Variants in VWA8 observed in about 807,000 individuals in gnomAD.
The protein encoded by VWA8 is von Willebrand factor A domain-containing protein 8.
Under a neutral mutation model 241.5 loss-of-function variants are expected in VWA8, and 221 were observed. That is an observed-to-expected ratio of 0.91 (90% CI 0.82 to 1.02). VWA8 has a LOEUF of 1.02. VWA8 is among the 50% of genes least tolerant of loss of function. The pLI is 0.00. For missense variants in VWA8, 2,322 were observed against 2,328.7 expected (o/e 1.00, Z 0.06); for synonymous variants, 852 against 827.1 (o/e 1.03, Z -0.52).
Position 41,708,661 on chromosome 13 carries a change from G to A in VWA8, c.3117-5250C>T, listed in dbSNP as rs543943232. ...GGCTTCCACTTCATAACTTAGACTTGTATACCTCTCCCACCTAGGTCCTGC... is the reference window on the plus strand; with the variant it reads ...GGCTTCCACTTCATAACTTAGACTTATATACCTCTCCCACCTAGGTCCTGC... On this transcript the variant is annotated intron_variant, in intron 26 of 44. Coordinates refer to ENST00000379310, the MANE Select transcript of VWA8 (RefSeq NM_015058.2). 8.2e-4 allele frequency among the ~76,000 whole-genome samples: 125 copies of A among 152,220 alleles called. 1 individual carries two copies. The highest frequency in any genetic ancestry group is 6.8e-3 in the South Asian group (33 of 4,818).
At chr13:41,896,018 A>G (rs1179555241) in intron 4 of VWA8, among the ~76,000 whole-genome samples, 1 of 152,030 alleles carries the variant, frequency 6.6e-6, no homozygotes, top group Non-Finnish European at 1.5e-5. Context: ...CTGTAAAAGA[A>G]GAGCAATTAG....
At chr13:41,934,192 A>G (rs1437940311) in intron 2 of VWA8, among the ~76,000 whole-genome samples, 1 of 151,792 alleles carries the variant, frequency 6.6e-6, no homozygotes. Context: ...AAAGATATAA[A>G]GATGATAAAT....
chr13:41,586,777 G>A (rs1461664316), intron 42 of VWA8, among the ~76,000 whole-genome samples: 2 of 152,170 alleles, frequency 1.3e-5, no homozygotes, highest in Non-Finnish European at 2.9e-5. Flanking sequence ...TGGACTGTGT[G>A]TCCTTCATGC....
chr13:41,913,035 T>C (rs1471909820), intron 2 of VWA8, among the ~76,000 whole-genome samples: 1 of 151,726 alleles, frequency 6.6e-6, no homozygotes, highest in Non-Finnish European at 1.5e-5. Flanking sequence ...AATGAATAAA[T>C]ACACAGAATG....
intron 1 of VWA8, among the ~76,000 whole-genome samples, chr13:41,950,224 ATG>A (rs1161671202): frequency 6.9e-6 from 1 of 145,568 alleles, no homozygotes; most frequent in Non-Finnish European, 1.5e-5. Flanking sequence ...CACATTTTAA[ATG>A]TGTTAGCAAA....
chr13:41,817,986 G>A lies in VWA8; in HGVS notation c.1870-1211C>T, dbSNP rs1247830900. Among the ~76,000 whole-genome samples, 6 of 151,140 alleles carry A rather than the reference G, an allele frequency of 4.0e-5. 1 individual carries two copies. Among genetic ancestry groups the A allele is most frequent in the East Asian group, 3.9e-4 (2 of 5,114 alleles). On this transcript the variant is annotated intron_variant, in intron 15 of 44. Coordinates refer to ENST00000379310, the MANE Select transcript of VWA8 (RefSeq NM_015058.2). ...GCGGAATTTTTTTTTTTTTCGAGAC[G>A]GAGTCTCACTCTGTCACTCAGGCTG...
At chr13:41,906,295 G>C (rs1593860156) in intron 4 of VWA8, among the ~76,000 whole-genome samples, 1 of 152,086 alleles carries the variant, frequency 6.6e-6, no homozygotes, top group African/African-American at 2.4e-5. Context: ...AACTACGAAA[G>C]TCTCTTCCTT....
intron 43 of VWA8, among the ~76,000 whole-genome samples, chr13:41,571,956 G>C (rs1000919387): frequency 1.3e-5 from 2 of 151,948 alleles, no homozygotes; most frequent in Non-Finnish European, 2.9e-5. Flanking sequence ...CCCTCTGACC[G>C]GCCGCCCAGT....
rs187549862 is a variant in VWA8, at chr13:41,695,069, G to A, written c.3565-2097C>T. Among the ~76,000 whole-genome samples the A allele has an allele frequency of 2.1e-4, 32 of 152,172 alleles. No individual in the cohort carries two copies. In the East Asian group the frequency reaches 2.9e-3, roughly 14 times the overall value. ...TCTGGGTTTAAAAATAGAATTTTGC[G>A]TCACACATGAGTACATGTAACTGTG... On this transcript the variant is annotated intron_variant, in intron 29 of 44. Transcript: ENST00000379310.
intron 12 of VWA8, among the ~76,000 whole-genome samples, chr13:41,839,537 T>C (rs1871897925): frequency 1.3e-5 from 2 of 152,242 alleles, no homozygotes; most frequent in Non-Finnish European, 2.9e-5. Context: ...CCATTCCTTT[T>C]GGTGTTTTAG....
chr13:41,719,251 T>C, intron 26 of VWA8: 1 of 690,690 alleles, frequency 1.4e-6, no homozygotes, highest in Admixed American at 5.8e-5. Flanking sequence ...ATTATCTCTA[T>C]GTGATTTTCA....
chr13:41,946,247 A>G (rs187132337), intron 2 of VWA8, among the ~76,000 whole-genome samples: 1 of 152,248 alleles, frequency 6.6e-6, no homozygotes, highest in Non-Finnish European at 1.5e-5. Flanking sequence ...CCACTAGCAA[A>G]CCTGCCATCT....
Position 41,961,077 on chromosome 13 carries a change from G to A in VWA8, c.-62C>T. On this transcript the variant is annotated 5_prime_UTR_variant, in exon 1 of 45. Coordinates refer to ENST00000379310, the MANE Select transcript of VWA8 (RefSeq NM_015058.2). ...CGGGGATCGAGCGGCGTCCCGTGCA[G>A]GCACCGTGAGGCAGCGCGGAGAAGG... The A allele has an allele frequency of 7.6e-7, 1 of 1,314,320 alleles. No homozygotes were observed. Among genetic ancestry groups the A allele is most frequent in the South Asian group, 1.9e-5 (1 of 53,988 alleles). The allele number at this position is 1,314,320 out of a possible 1,614,324, so 81.4% of individuals were successfully genotyped here. A position where few individuals can be genotyped will look rare whatever the true frequency, so the allele number is the denominator to read the frequency against.
intron 37 of VWA8, among the ~76,000 whole-genome samples, chr13:41,622,485 A>T (rs2044663669): frequency 1.3e-5 from 2 of 152,226 alleles, no homozygotes; most frequent in Non-Finnish European, 2.9e-5. Context: ...GAATTCACTT[A>T]AAGGGATCAA....
intron 21 of VWA8, among the ~76,000 whole-genome samples, chr13:41,751,452 A>G (rs1466018003): frequency 6.6e-6 from 1 of 152,160 alleles, no homozygotes; most frequent in Admixed American, 6.5e-5. Context: ...CAGTGCTAAG[A>G]ATGCTGTGAT....
intron 26 of VWA8, among the ~76,000 whole-genome samples, chr13:41,717,687 AAAC>A (rs2045356440): frequency 6.6e-6 from 1 of 152,034 alleles, no homozygotes; most frequent in Non-Finnish European, 1.5e-5. Context: ...AAGGGCAATA[AAAC>A]AACACTACTT....
At chr13:41,765,674 C>T (rs902006413) in intron 20 of VWA8, among the ~76,000 whole-genome samples, 1 of 152,098 alleles carries the variant, frequency 6.6e-6, no homozygotes, top group Non-Finnish European at 1.5e-5. Flanking sequence ...AAACAATAAT[C>T]ACCCAATGTC....
intron 26 of VWA8, among the ~76,000 whole-genome samples, chr13:41,711,853 G>C (rs1340287876): frequency 6.6e-6 from 1 of 151,314 alleles, no homozygotes; most frequent in Non-Finnish European, 1.5e-5. Context: ...CAGCCTGGGC[G>C]ACAGAGCGAG....
chr13:41,645,259 C>T (rs1422063252), intron 37 of VWA8, among the ~76,000 whole-genome samples: 1 of 152,094 alleles, frequency 6.6e-6, no homozygotes, highest in Non-Finnish European at 1.5e-5. Flanking sequence ...AAAGGTACTG[C>T]TTAGTACAAA....
Sources: gnomAD v4.1 joint callset for allele counts (sites outside exome capture counted in the v4.1 genomes callset) on GRCh38, gnomAD v4.1.1 for gene constraint, MANE v1.5 for transcripts, NCBI Gene and HGNC (gene_info 2026-07-23, HGNC 2026-07-21) for gene names.